DMXL1: variants seen among roughly 807,000 people sequenced by gnomAD.
The protein encoded by DMXL1 is dmX-like protein 1.
A neutral mutation model predicts 319.2 loss-of-function variants in DMXL1; 99 were observed. The observed-to-expected ratio is 0.31, with a 90% CI of 0.26 to 0.37. The LOEUF is 0.37. Ranked by LOEUF, DMXL1 falls within the 10% of genes least tolerant of loss-of-function variation. The pLI is 1.00. For synonymous variants in DMXL1, 1,385 were observed against 1,235.2 expected (o/e 1.12, Z -2.54); for missense variants, 3,745 against 3,595.6 (o/e 1.04, Z -1.06).
intron 13 of DMXL1, among the ~76,000 whole-genome samples, chr5:119,138,403 G>A (rs1011754991): frequency 1.3e-5 from 2 of 152,176 alleles, no homozygotes; most frequent in Non-Finnish European, 2.9e-5. Context: ...TGAGATGCCT[G>A]TTTGACATCC....
intron 29 of DMXL1, among the ~76,000 whole-genome samples, chr5:119,190,327 G>C (rs900374501): frequency 2.0e-5 from 3 of 152,060 alleles, no homozygotes; most frequent in African/African-American, 4.8e-5. Context: ...TCAACAACAT[G>C]GTTCACATTT....
In DMXL1 at chr5:119,143,924, C is replaced by G. The variant is rs1767963711; in HGVS notation, c.2460C>G (p.Thr820=). ...PGCIIALDPI[T]KLHGRKTQLL... Reference sequence around the variant, plus strand: ...GCATTATTGCATTAGATCCCATTACCAAACTTGTAAGTATTAATTTTGGGG... The same window carrying G: ...GCATTATTGCATTAGATCCCATTACGAAACTTGTAAGTATTAATTTTGGGG... The change falls in exon 14 of 44, where the codon ACC becomes ACG. Residue 820 remains threonine, a synonymous_variant. Transcript: ENST00000539542. The G allele has an allele frequency of 6.4e-7, 1 of 1,562,878 alleles. No homozygotes were observed. Among genetic ancestry groups the G allele is most frequent in the African/African-American group, 1.4e-5 (1 of 72,378 alleles).
rs764227624 is a variant in DMXL1 at position 119,148,858 on chromosome 5, A to G, written c.3031A>G (p.Thr1011Ala). Residue 1011 changes from threonine (T) to alanine (A), a missense_variant, in exon 18 of 44, where the codon ACG (threonine) becomes GCG (alanine). Physicochemically the swap from Thr to Ala is moderately conservative, Grantham distance 58. This residue lies in a region of DMXL1 where 2,096 missense variants were observed against 1,985.4 expected (regional missense o/e 1.06). Coordinates refer to ENST00000539542, the MANE Select transcript of DMXL1 (RefSeq NM_001290321.3). The stretch of plus-strand genomic sequence containing the variant: ...CAGAGTAACAGATGGAGAATCTGCC[A>G]CGTCAAAGAATGGAAAAATTGATCT... ...RCRVTDGESA[T>A]SKNGKIDLAY... The G allele has an allele frequency of 5.5e-5, 89 of 1,613,702 alleles. No homozygotes were observed. The highest frequency in any genetic ancestry group is 7.0e-5 in the Non-Finnish European group (83 of 1,179,806).
chr5:119,216,147 T>C (rs1783660081), intron 34 of DMXL1, among the ~76,000 whole-genome samples: 1 of 145,422 alleles, frequency 6.9e-6, no homozygotes, highest in Non-Finnish European at 1.5e-5. Flanking sequence ...AATAATGTCC[T>C]ATATTAGGCA....
intron 34 of DMXL1, 79 bp downstream of exon 34, chr5:119,206,975 C>G: frequency 1.2e-6 from 1 of 845,764 alleles, no homozygotes; most frequent in Non-Finnish European, 1.8e-6. Context: ...TACTTTTAAA[C>G]TGGTCTTTGT....
At chr5:119,147,547 ACTAT>A (rs1217764178) in intron 17 of DMXL1, 77 bp downstream of exon 17, 1 of 947,338 alleles carries the variant, frequency 1.1e-6, no homozygotes, top group Non-Finnish European at 1.7e-6. Context: ...AGGTGCTGCA[ACTAT>A]CTCTTAAATC....
Position 119,189,862 on chromosome 5 carries a change from T to C in DMXL1, c.7290T>C (p.Ser2430=), listed in dbSNP as rs1307538775. The C allele has an allele frequency of 6.2e-7, 1 of 1,613,722 alleles. No homozygotes were observed. Among genetic ancestry groups the C allele is most frequent in the Non-Finnish European group, 8.5e-7 (1 of 1,179,730 alleles). The part of the protein sequence containing the change: ...VKEKFIPPEL[S]IWDYFIAKPF... ...AAAAGTTCATCCCACCTGAGCTCAG[T>C]ATCTGGGACTATTTCATAGCTAAGG... Residue 2430 remains serine, a synonymous_variant, in exon 29 of 44, where the codon AGT becomes AGC. Coordinates refer to ENST00000539542, the MANE Select transcript of DMXL1 (RefSeq NM_001290321.3).
intron 1 of DMXL1, among the ~76,000 whole-genome samples, chr5:119,087,026 A>T (rs1753526874): frequency 6.6e-6 from 1 of 151,178 alleles, no homozygotes; most frequent in Non-Finnish European, 1.5e-5. Context: ...TAGTTCTTTG[A>T]TCTAGTTGTT....
rs191735010 is a variant in DMXL1 at position 119,173,184 on chromosome 5, C to T, written c.6681+1215C>T. 5.6e-3 allele frequency among the ~76,000 whole-genome samples: 854 copies of T among 151,866 alleles called. 8 individuals are homozygous for T. Among genetic ancestry groups the T allele is most frequent in the African/African-American group, 0.019 (786 of 41,436 alleles). On this transcript the variant is annotated intron_variant, in intron 25 of 43. Transcript: ENST00000539542. ...AGAAACCTTGTCTCTACTAAAAATA[C>T]AAAAAATTAGCCAGGCGTAGTGGCA...
chr5:119,115,165 A>T (rs889162874), intron 6 of DMXL1, among the ~76,000 whole-genome samples: 1 of 152,224 alleles, frequency 6.6e-6, no homozygotes, highest in African/African-American at 2.4e-5. Flanking sequence ...CACCTACCTC[A>T]TAGGTCATTA....
intron 9 of DMXL1, among the ~76,000 whole-genome samples, 155 bp from the exon 10 acceptor site, chr5:119,129,056 C>G (rs1261758909): frequency 6.6e-6 from 1 of 151,508 alleles, no homozygotes; most frequent in African/African-American, 2.4e-5. Context: ...AACTCTGTCT[C>G]AAAAAAACAA....
intron 9 of DMXL1, among the ~76,000 whole-genome samples, chr5:119,126,597 A>G: frequency 6.6e-6 from 1 of 152,222 alleles, no homozygotes; most frequent in East Asian, 1.9e-4. Context: ...CAAGCATCGT[A>G]ATCTCTGTAA....
At chr5:119,158,223 T>A (rs991325786) in intron 19 of DMXL1, among the ~76,000 whole-genome samples, 41 of 151,668 alleles carry the variant, frequency 2.7e-4, no homozygotes, top group Non-Finnish European at 3.2e-4. Flanking sequence ...TTTTTTTTTT[T>A]AAGTAGCAAT....
At chr5:119,164,720 G>A in intron 20 of DMXL1, 44 bp downstream of exon 20, 1 of 1,514,168 alleles carries the variant, frequency 6.6e-7, no homozygotes, top group Non-Finnish European at 8.9e-7. Flanking sequence ...ATATTTTTTG[G>A]ACGTTTCTTT....
intron 3 of DMXL1, 61 bp downstream of exon 3, chr5:119,102,067 A>G (rs367687558): frequency 3.8e-6 from 4 of 1,053,230 alleles, no homozygotes; most frequent in South Asian, 2.9e-5. Flanking sequence ...GAAAGAGTGT[A>G]AAATCAGAGT....
At chr5:119,205,761 G>A (rs1449576213) in intron 33 of DMXL1, among the ~76,000 whole-genome samples, 2 of 152,038 alleles carry the variant, frequency 1.3e-5, no homozygotes, top group South Asian at 2.1e-4. Context: ...GAATTAAATA[G>A]AATATAGAGT....
intron 33 of DMXL1, among the ~76,000 whole-genome samples, chr5:119,204,158 G>T (rs1426467499): frequency 6.6e-6 from 1 of 151,796 alleles, no homozygotes; most frequent in Non-Finnish European, 1.5e-5. Flanking sequence ...TCTTTTTTGA[G>T]ATGGAGTCTC....
chr5:119,107,855 G>A (rs1279023189), intron 4 of DMXL1, among the ~76,000 whole-genome samples: 1 of 152,102 alleles, frequency 6.6e-6, no homozygotes, highest in Non-Finnish European at 1.5e-5. Flanking sequence ...CTTCTGCTTA[G>A]TGCCTGGCCT....
intron 26 of DMXL1, 80 bp downstream of exon 26, chr5:119,175,417 C>A: frequency 2.1e-6 from 2 of 965,914 alleles, no homozygotes; most frequent in Non-Finnish European, 3.1e-6. Flanking sequence ...TGGTTTAGAA[C>A]TATATATAAC....
Sources: gnomAD v4.1 joint callset for allele counts (sites outside exome capture counted in the v4.1 genomes callset) on GRCh38, gnomAD v4.1.1 for gene constraint, gnomAD v4.1.1 regional missense constraint, MANE v1.5 for transcripts, NCBI Gene and HGNC (gene_info 2026-07-23, HGNC 2026-07-21) for gene names.